Variants in MYT1L observed in about 807,000 individuals in gnomAD.
MYT1L encodes the protein myelin transcription factor 1-like protein.
Under a neutral mutation model 126.7 loss-of-function variants are expected in MYT1L, and 12 were observed. The ratio of observed to expected loss-of-function variants is 0.09; its 90% CI spans 0.06 to 0.15. MYT1L has a LOEUF of 0.15. Ranked by LOEUF, MYT1L falls within the 10% of genes least tolerant of loss-of-function variation. MYT1L has a pLI of 1.00. For synonymous variants in MYT1L, 541 were observed against 604.2 expected (o/e 0.90, Z 1.53); for missense variants, 979 against 1,585.2 (o/e 0.62, Z 6.49).
intron 2 of MYT1L, among the ~76,000 whole-genome samples, chr2:2,276,056 T>C (rs1192276470): frequency 1.3e-5 from 2 of 152,192 alleles, no homozygotes; most frequent in Non-Finnish European, 1.5e-5. Flanking sequence ...TGTTTCTTGG[T>C]GGAATGTGAG....
intron 21 of MYT1L, among the ~76,000 whole-genome samples, chr2:1,829,621 A>G (rs74169683): frequency 0.019 from 1,812 of 95,208 alleles, 11 homozygotes; most frequent in South Asian, 0.027. Flanking sequence ...ACCCTCCCAT[A>G]CACCTGTGAA....
chr2:2,085,246 C>T (rs75190378), intron 3 of MYT1L, among the ~76,000 whole-genome samples: 400 of 152,286 alleles, frequency 2.6e-3, no homozygotes, highest in African/African-American at 7.6e-3. Flanking sequence ...AGGCAAGCCC[C>T]CTGAACTCAG....
intron 1 of MYT1L, among the ~76,000 whole-genome samples, chr2:2,292,371 G>A (rs1394439238): frequency 1.3e-5 from 2 of 152,230 alleles, no homozygotes; most frequent in Non-Finnish European, 2.9e-5. Context: ...TGGAGAAAAA[G>A]TCCTTGTGAA....
In MYT1L at chr2:1,801,837, T is replaced by C. The variant is rs1206854495; in HGVS notation, c.3173-38A>G. 2 of 1,294,148 alleles carry C rather than the reference T, an allele frequency of 1.5e-6. No homozygotes were observed. Among genetic ancestry groups the C allele is most frequent in the South Asian group, 1.3e-5 (1 of 76,890 alleles). The allele number at this position is 1,294,148 out of a possible 1,614,324, so 80.2% of individuals were successfully genotyped here. On this transcript the variant is annotated intron_variant, in intron 22 of 24. Coordinates refer to ENST00000647738, the MANE Select transcript of MYT1L (RefSeq NM_001303052.2). This position sits in a 1 kb window ranked among gnomAD's most constrained non-coding sequence, Gnocchi z 4.2. ...ATATTAGTATGTTAAAACTGTTATA[T>C]ACAAAAATATTAGAGTTAGAATTTT...
At chr2:2,180,722 G>C (rs1394612852) in intron 2 of MYT1L, among the ~76,000 whole-genome samples, 1 of 151,386 alleles carries the variant, frequency 6.6e-6, no homozygotes, top group Non-Finnish European at 1.5e-5. Flanking sequence ...CTGTACCTGT[G>C]TGCCTGCATG....
intron 21 of MYT1L, among the ~76,000 whole-genome samples, chr2:1,812,305 CTG>C (rs1386089350): frequency 6.6e-6 from 1 of 152,206 alleles, no homozygotes; most frequent in Non-Finnish European, 1.5e-5. Flanking sequence ...ATTGAATTGA[CTG>C]TGTTTGTGAA....
rs144440913 is a variant in MYT1L at position 1,802,697 on chromosome 2, G to A, written c.3173-898C>T. 5.6e-3 allele frequency among the ~76,000 whole-genome samples: 853 copies of A among 152,236 alleles called. 4 individuals carry two copies. Among genetic ancestry groups the A allele is most frequent in the African/African-American group, 0.014 (580 of 41,554 alleles). ...ATTCTGGACACTTGCTTCCCTGGCC[G>A]GCTGTGTCTGGTTACTGGCAACATT... is the stretch of plus-strand genomic sequence containing the variant. On this transcript the variant is annotated intron_variant, in intron 22 of 24. Transcript: ENST00000647738.
At chr2:2,330,528 A>C (rs1046897582) in intron 1 of MYT1L, among the ~76,000 whole-genome samples, 15 of 152,194 alleles carry the variant, frequency 9.9e-5, no homozygotes, top group Non-Finnish European at 1.8e-4. Context: ...TCTCCACTTA[A>C]ACAATATAAA....
At chr2:2,255,034 A>G (rs1184043690) in intron 2 of MYT1L, among the ~76,000 whole-genome samples, 6 of 152,154 alleles carry the variant, frequency 3.9e-5, no homozygotes, top group African/African-American at 1.4e-4. Flanking sequence ...ATTTGAAGTG[A>G]TTTAAAATAA....
chr2:2,142,426 A>G (rs2084132542), intron 3 of MYT1L, among the ~76,000 whole-genome samples: 2 of 152,112 alleles, frequency 1.3e-5, no homozygotes, highest in African/African-American at 4.8e-5. Flanking sequence ...TTTTGCTCAA[A>G]CAGTGGTGAC....
At chr2:1,826,681 G>C (rs1021423587) in intron 21 of MYT1L, among the ~76,000 whole-genome samples, 2 of 152,198 alleles carry the variant, frequency 1.3e-5, no homozygotes, top group Admixed American at 6.5e-5. Flanking sequence ...GGTCAGTGCA[G>C]GGCCGGCGTC....
intron 2 of MYT1L, among the ~76,000 whole-genome samples, chr2:2,226,997 A>G (rs916964460): frequency 6.6e-5 from 10 of 152,100 alleles, no homozygotes; most frequent in Non-Finnish European, 1.2e-4. Flanking sequence ...CTTTTGAACA[A>G]TAGGGAATTC....
rs6734056 is a variant in MYT1L at position 1,811,594 on chromosome 2, C to T, written c.3081-2427G>A. ...GACAGTCCCTGAGGGGGTCCTGGCTCGTGGTTCCCTTTGCTGTTTTTTTGT... is the reference window on the plus strand; with the variant it reads ...GACAGTCCCTGAGGGGGTCCTGGCTTGTGGTTCCCTTTGCTGTTTTTTTGT... On this transcript the variant is annotated intron_variant, in intron 21 of 24. Transcript: ENST00000647738. This position sits in a 1 kb window ranked among gnomAD's most constrained non-coding sequence, Gnocchi z 4.4. 13,386 of 152,260 alleles carry T rather than the reference C, an allele frequency of 0.088. 800 individuals are homozygous for T. The highest frequency in any genetic ancestry group is 0.17 in the African/African-American group (6,859 of 41,482). 9.4% of individuals were successfully genotyped at this position (152,260 alleles called of 1,614,324 possible).
chr2:2,006,018 G>C (rs1436570671), intron 4 of MYT1L, among the ~76,000 whole-genome samples: 9 of 149,508 alleles, frequency 6.0e-5, no homozygotes, highest in African/African-American at 2.2e-4. Context: ...ATTCTTTCCT[G>C]CATGCGTTCT....
At chr2:2,321,221 C>A (rs1473072032) in intron 1 of MYT1L, among the ~76,000 whole-genome samples, 1 of 152,166 alleles carries the variant, frequency 6.6e-6, no homozygotes, top group Non-Finnish European at 1.5e-5. Flanking sequence ...AAAGCTCTTG[C>A]CCAGATGCAT....
intron 9 of MYT1L, among the ~76,000 whole-genome samples, chr2:1,930,249 G>A (rs774741995): frequency 2.8e-4 from 42 of 152,314 alleles, no homozygotes; most frequent in Non-Finnish European, 5.3e-4. Context: ...TGATTGGAAA[G>A]CCCACTTCTG....
At chr2:1,851,834 C>A (rs973607009) in intron 18 of MYT1L, 131 bp from the exon 19 acceptor site, 54 of 826,054 alleles carry the variant, frequency 6.5e-5, no homozygotes, top group Non-Finnish European at 1.0e-4. Flanking sequence ...CTGAGTGGAG[C>A]CGGAAGCTCC....
chr2:1,870,207 A>T (rs996501282), intron 18 of MYT1L, among the ~76,000 whole-genome samples: 8 of 152,334 alleles, frequency 5.3e-5, no homozygotes, highest in Admixed American at 4.6e-4. Context: ...CTTTGGCAGA[A>T]ATCCAAAGTG....
chr2:1,956,616 CTAT>C (rs1171817205), intron 8 of MYT1L, among the ~76,000 whole-genome samples: 10 of 146,984 alleles, frequency 6.8e-5, no homozygotes, highest in African/African-American at 1.5e-4. Context: ...ATCTATCTAT[CTAT>C]CTACCTACCT....
Sources: allele counts gnomAD v4.1 joint callset (sites outside exome capture counted in the v4.1 genomes callset), GRCh38; gene constraint gnomAD v4.1.1; non-coding constraint Gnocchi (gnomAD v3.1); transcripts MANE v1.5; gene names NCBI Gene and HGNC (gene_info 2026-07-23, HGNC 2026-07-21).